The following SLC9D1 variants were observed in gnomAD, a reference collection of about 807,000 sequenced individuals.
SLC9D1 encodes putative LAG1-interacting protein.
At chr13:113,505,892 G>C in the SLC9D1 span, 1 of 152,098 alleles carries the variant, frequency 6.6e-6, no homozygotes, top group Admixed American at 6.5e-5. Flanking sequence ...TAAAAGCTCC[G>C]TTTTTCCATC....
chr13:113,531,869 G>A, the SLC9D1 span, among the ~76,000 whole-genome samples: 1 of 152,242 alleles, frequency 6.6e-6, no homozygotes, highest in African/African-American at 2.4e-5. Flanking sequence ...CACTGTGGGA[G>A]TCTTCTGGGA....
chr13:113,537,547 T>C, the SLC9D1 span, among the ~76,000 whole-genome samples: 1 of 152,270 alleles, frequency 6.6e-6, no homozygotes, highest in South Asian at 2.1e-4. Flanking sequence ...TTGCAGTTTG[T>C]GACTCGCCTT....
the SLC9D1 span, among the ~76,000 whole-genome samples, chr13:113,521,492 C>G: frequency 2.7e-5 from 4 of 150,082 alleles, no homozygotes; most frequent in African/African-American, 4.9e-5. Context: ...TGGGGTATAT[C>G]TGTGTGTTGC....
chr13:113,532,173 C>T, the SLC9D1 span, among the ~76,000 whole-genome samples: 1 of 152,192 alleles, frequency 6.6e-6, no homozygotes, highest in Non-Finnish European at 1.5e-5. Flanking sequence ...ATGTGGGGAG[C>T]TGCTGTTGTG....
chr13:113,539,772 G>T, the SLC9D1 span, among the ~76,000 whole-genome samples: 1 of 152,042 alleles, frequency 6.6e-6, no homozygotes, highest in Non-Finnish European at 1.5e-5. The surrounding 1 kb of genome is among the most constrained non-coding windows in gnomAD (Gnocchi z 4.8). Context: ...TGTGACACGG[G>T]TAGTGAGTGT....
chr13:113,538,411 G>A, the SLC9D1 span, among the ~76,000 whole-genome samples: 1 of 152,186 alleles, frequency 6.6e-6, no homozygotes, highest in Non-Finnish European at 1.5e-5. Flanking sequence ...TGCTAGGGTC[G>A]TCTTGGCTCT....
the SLC9D1 span, chr13:113,549,707 A>G: frequency 3.5e-6 from 3 of 846,780 alleles, no homozygotes; most frequent in Admixed American, 1.9e-5. Flanking sequence ...TTCTTGTCCT[A>G]TTTTAGAATT....
At chr13:113,536,057 G>T in the SLC9D1 span, among the ~76,000 whole-genome samples, 1 of 152,194 alleles carries the variant, frequency 6.6e-6, no homozygotes, top group East Asian at 1.9e-4. Context: ...TCTTAAAACT[G>T]CAGGTTAATA....
the SLC9D1 span, among the ~76,000 whole-genome samples, chr13:113,519,325 C>T: frequency 6.7e-6 from 1 of 149,932 alleles, no homozygotes; most frequent in African/African-American, 2.5e-5. Flanking sequence ...GGATTACAGG[C>T]GTGAGCCACC....
the SLC9D1 span, chr13:113,534,425 C>A: frequency 2.0e-5 from 12 of 609,090 alleles, no homozygotes; most frequent in Non-Finnish European, 2.8e-5. Context: ...GGGAGCTAAA[C>A]CCGTTTAACT....
chr13:113,531,435 C>T, the SLC9D1 span, among the ~76,000 whole-genome samples: 1 of 152,144 alleles, frequency 6.6e-6, no homozygotes, highest in Admixed American at 6.5e-5. Context: ...AAGAGCAGCA[C>T]ACGCGTGGAC....
chr13:113,497,913 G>A, the SLC9D1 span, among the ~76,000 whole-genome samples: 1 of 152,200 alleles, frequency 6.6e-6, no homozygotes, highest in Admixed American at 6.5e-5. Flanking sequence ...TTCTACATGT[G>A]TTTTGGAACA....
the SLC9D1 span, among the ~76,000 whole-genome samples, chr13:113,496,601 C>G: frequency 6.6e-6 from 1 of 152,172 alleles, no homozygotes; most frequent in African/African-American, 2.4e-5. Flanking sequence ...GCCATCATTT[C>G]TTGAGTACCT....
chr13:113,507,925 G>A, the SLC9D1 span, among the ~76,000 whole-genome samples: 10 of 152,336 alleles, frequency 6.6e-5, no homozygotes, highest in African/African-American at 1.9e-4. Context: ...TCCCGTCAGC[G>A]CCTCCTGACC....
the SLC9D1 span, among the ~76,000 whole-genome samples, chr13:113,498,129 T>A: frequency 6.6e-6 from 1 of 152,250 alleles, no homozygotes. Context: ...TTCTTACGTG[T>A]GTTGATGTAC....
the SLC9D1 span, chr13:113,498,534 G>T: frequency 6.4e-7 from 1 of 1,562,372 alleles, no homozygotes; most frequent in South Asian, 1.3e-5. Context: ...AAGCGTTCCA[G>T]AACAGCTGCT....
the SLC9D1 span, among the ~76,000 whole-genome samples, chr13:113,501,281 A>G: frequency 6.6e-6 from 1 of 152,266 alleles, no homozygotes; most frequent in Non-Finnish European, 1.5e-5. Flanking sequence ...GGATGAAAAT[A>G]TTCAGAAAAA....
chr13:113,543,664 A>G, the SLC9D1 span, among the ~76,000 whole-genome samples: 1,147 of 149,466 alleles, frequency 7.7e-3, 14 homozygotes, highest in African/African-American at 0.028. Flanking sequence ...TTTTTCCCAC[A>G]TTGCTCCAGC....
the SLC9D1 span, chr13:113,534,808 G>A: frequency 3.4e-5 from 5 of 145,072 alleles, no homozygotes; most frequent in South Asian, 2.2e-4. Flanking sequence ...ACGGCCGGGT[G>A]TGGTGGCTCA....
Sources: allele counts gnomAD v4.1 joint callset (sites outside exome capture counted in the v4.1 genomes callset), GRCh38; gene constraint gnomAD v4.1.1; non-coding constraint Gnocchi (gnomAD v3.1); transcripts MANE v1.5; gene names NCBI Gene and HGNC (gene_info 2026-07-23, HGNC 2026-07-21).